GOT2: variants seen among roughly 807,000 people sequenced by gnomAD.
GOT2 encodes the protein aspartate aminotransferase, mitochondrial.
A neutral mutation model predicts 50.0 loss-of-function variants in GOT2; 17 were observed. The observed-to-expected ratio is 0.34, with a 90% CI of 0.23 to 0.51. GOT2 has a LOEUF of 0.51. Ranked by LOEUF, GOT2 falls within the 20% of genes least tolerant of loss-of-function variation. The pLI, the probability that GOT2 is intolerant of heterozygous loss-of-function variation, is 0.97. For missense variants in GOT2, 430 were observed against 559.6 expected (o/e 0.77, Z 2.34); for synonymous variants, 172 against 204.9 (o/e 0.84, Z 1.37).
At chr16:58,717,486 T>G (rs2044703428) in intron 6 of GOT2, among the ~76,000 whole-genome samples, 4 of 152,142 alleles carry the variant, frequency 2.6e-5, no homozygotes, top group African/African-American at 9.7e-5. Flanking sequence ...CTAGGAATTT[T>G]GACTAGTGTC....
chr16:58,707,991 T>G lies in GOT2; in HGVS notation c.*180A>C, dbSNP rs556624711. The G allele has an allele frequency of 1.9e-6, 1 of 528,194 alleles. No homozygotes were observed. Among genetic ancestry groups the G allele is most frequent in the Non-Finnish European group, 3.2e-6 (1 of 314,158 alleles). 32.7% of individuals were successfully genotyped at this position (528,194 alleles called of 1,614,324 possible). A position where few individuals can be genotyped will look rare whatever the true frequency, so the allele number is the denominator to read the frequency against. On this transcript the variant is annotated 3_prime_UTR_variant, in exon 10 of 10. Transcript: ENST00000245206. ...ATTCCAGACGCCAGCCATGGATGCC[T>G]CTGCCCTGTGTCACTACATGTTCTT...
In GOT2 at chr16:58,708,310, A is replaced by C; in HGVS notation, c.1171-17T>G. On this transcript the variant is annotated splice_polypyrimidine_tract_variant and intron_variant, in intron 9 of 9. Coordinates refer to ENST00000245206, the MANE Select transcript of GOT2 (RefSeq NM_002080.4). ...CCGCTCCACCTGCAGAGAGGAAAGA[A>C]CTTGGGTACCTCTTCCCGGTACAGG... 1 of 1,612,650 alleles carries C rather than the reference A, an allele frequency of 6.2e-7. No homozygotes were observed. The highest frequency in any genetic ancestry group is 8.5e-7 in the Non-Finnish European group (1 of 1,179,274).
At position 58,734,149 on chromosome 16, in the gene GOT2, G is replaced by T. The variant is rs764456344; in HGVS notation, c.80C>A (p.Ala27Asp). Reference sequence around the variant, plus strand: ...GTTTCCCTTGGCTTACCTGGCTCTGGCAGAGGCCGCGGCGGCGAGGCCCGG... The same window carrying T: ...GTTTCCCTTGGCTTACCTGGCTCTGTCAGAGGCCGCGGCGGCGAGGCCCGG... ...FHPGLAAAAS[A>D]RASSWWTHVE... The change falls in exon 1 of 10, where the codon GCC (alanine) becomes GAC (aspartate). Residue 27 changes from alanine (A) to aspartate (D), a missense_variant. Transcript: ENST00000245206. The T allele has an allele frequency of 7.5e-6, 10 of 1,333,000 alleles. No homozygotes were observed. The highest frequency in any genetic ancestry group is 8.7e-6 in the Non-Finnish European group (9 of 1,037,144). The allele number at this position is 1,333,000 out of a possible 1,614,324, so 82.6% of individuals were successfully genotyped here.
Position 58,734,182 on chromosome 16 carries a change from G to C in GOT2, c.47C>G (p.Ala16Gly), listed in dbSNP as rs375771750. 422 of 1,336,540 alleles carry C rather than the reference G, an allele frequency of 3.2e-4. 1 individual carries two copies. The African/African-American group carries it at 5.7e-3, about 18-fold the overall frequency. 82.8% of individuals were successfully genotyped at this position (1,336,540 alleles called of 1,614,324 possible). Residue 16 changes from alanine (A) to glycine (G), a missense_variant, in exon 1 of 10, where the codon GCC (alanine) becomes GGC (glycine). Transcript: ENST00000245206. ...CGCGGCGGCGAGGCCCGGGTGGAAG[G>C]CGGCGGCGATCCCGGGGAGGACGCG... ...SGRVLPGIAA[A>G]FHPGLAAAAS...
At chr16:58,725,482 A>G (rs145166783) in intron 1 of GOT2, among the ~76,000 whole-genome samples, 8 of 152,328 alleles carry the variant, frequency 5.3e-5, no homozygotes, top group African/African-American at 1.9e-4. Context: ...TGAATTGATT[A>G]ACAGATTATT....
rs775344608 is a variant in GOT2 at position 58,722,226 on chromosome 16, C to G, written c.299G>C (p.Gly100Ala). 6.2e-7 allele frequency: 1 copy of G among 1,613,082 alleles called. No individual in the cohort carries two copies. Among genetic ancestry groups the G allele is most frequent in the Non-Finnish European group, 8.5e-7 (1 of 1,179,938 alleles). Reference sequence around the variant, plus strand: ...TGCCTTGCAAAATTCAGCCAGTCCCCCAATGGGCAGGTATTCCTTGTCCAA... The same window carrying G: ...TGCCTTGCAAAATTCAGCCAGTCCCGCAATGGGCAGGTATTCCTTGTCCAA... ...KNLDKEYLPI[G>A]GLAEFCKASA... The change falls in exon 3 of 10, where the codon GGG (glycine) becomes GCG (alanine). Residue 100 changes from glycine to alanine, a missense_variant. Physicochemically the swap from Gly to Ala is moderately conservative, Grantham distance 60. Transcript: ENST00000245206.
chr16:58,726,777 T>C (rs2044788774), intron 1 of GOT2, among the ~76,000 whole-genome samples: 1 of 148,802 alleles, frequency 6.7e-6, no homozygotes, highest in African/African-American at 2.5e-5. Context: ...CGTGAGCCAC[T>C]GCACCCGGCT....
Position 58,708,292 on chromosome 16 carries a change from A to G in GOT2, c.1172T>C (p.Val391Ala), listed in dbSNP as rs749582194. The G allele has an allele frequency of 7.4e-6, 12 of 1,613,710 alleles. No individual in the cohort carries two copies. Among genetic ancestry groups the G allele is most frequent in the Non-Finnish European group, 8.5e-6 (10 of 1,179,804 alleles). The change falls in exon 10 of 10, where the codon GTG becomes GCG. Residue 391 changes from valine (V) to alanine (A), a missense_variant and splice_region_variant. Coordinates refer to ENST00000245206, the MANE Select transcript of GOT2 (RefSeq NM_002080.4). ...FCFTGLKPEQ[V>A]ERLIKEFSIY... ...GGAGAACTCCTTGATCAGCCGCTCC[A>G]CCTGCAGAGAGGAAAGAACTTGGGT...
At chr16:58,730,446 G>A (rs903833772) in intron 1 of GOT2, among the ~76,000 whole-genome samples, 3 of 151,724 alleles carry the variant, frequency 2.0e-5, no homozygotes, top group African/African-American at 4.8e-5. Flanking sequence ...ATGCAGTGGC[G>A]TGACCACGGC....
rs564219906 is a variant in GOT2 at position 58,707,808 on chromosome 16, G to A, written c.*363C>T. On this transcript the variant is annotated 3_prime_UTR_variant, in exon 10 of 10. Coordinates refer to ENST00000245206, the MANE Select transcript of GOT2 (RefSeq NM_002080.4). The stretch of plus-strand genomic sequence containing the variant: ...TAGGCCTTCTCTCAAAGCCTCTAAC[G>A]TGTGCTGTTTCTCACGAGGAACCTG... 8 of 167,120 alleles carry A rather than the reference G, an allele frequency of 4.8e-5. No homozygotes were observed. The highest frequency in any genetic ancestry group is 1.5e-4 in the South Asian group (1 of 6,576). 10.4% of individuals were successfully genotyped at this position (167,120 alleles called of 1,614,324 possible). A position where few individuals can be genotyped will look rare whatever the true frequency, so the allele number is the denominator to read the frequency against.
rs2044721475 is a variant in GOT2 at position 58,719,290 on chromosome 16, A to G, written c.376-35T>C. Reference sequence around the variant, plus strand: ...AGATACCCACGGTCAGTGATGTGCAACACTCTCTATACAGGCCCAGACCCA... The same window carrying G: ...AGATACCCACGGTCAGTGATGTGCAGCACTCTCTATACAGGCCCAGACCCA... On this transcript the variant is annotated intron_variant, in intron 3 of 9. Coordinates refer to ENST00000245206, the MANE Select transcript of GOT2 (RefSeq NM_002080.4). 3 of 1,503,822 alleles carry G rather than the reference A, an allele frequency of 2.0e-6. No homozygotes were observed. The East Asian group carries it at 6.8e-5, about 34-fold the overall frequency. 93.2% of individuals were successfully genotyped at this position (1,503,822 alleles called of 1,614,324 possible). A position where few individuals can be genotyped will look rare whatever the true frequency, so the allele number is the denominator to read the frequency against.
At chr16:58,709,765 T>C (rs967151240) in intron 8 of GOT2, among the ~76,000 whole-genome samples, 198 bp from the exon 9 acceptor site, 1 of 152,198 alleles carries the variant, frequency 6.6e-6, no homozygotes, top group Non-Finnish European at 1.5e-5. Context: ...ACTATTTCCA[T>C]AAGGCAACTG....
rs30834 is a variant in GOT2, at chr16:58,715,394, T to A, written c.1019+620A>T. Among the ~76,000 whole-genome samples the A allele has an allele frequency of 1.7e-3, 254 of 152,146 alleles. 1 individual carries two copies. Among genetic ancestry groups the A allele is most frequent in the African/African-American group, 5.8e-3 (242 of 41,534 alleles). On this transcript the variant is annotated intron_variant, in intron 8 of 9. Coordinates refer to ENST00000245206, the MANE Select transcript of GOT2 (RefSeq NM_002080.4). ...TATGACTGCCTCTTACAGAGAAATA[T>A]CAATTAACTTGGTTCAAAGTGCTAA... is the stretch of plus-strand genomic sequence containing the variant.
intron 9 of GOT2, 59 bp downstream of exon 9, chr16:58,709,358 C>A (rs1257979749): frequency 2.3e-6 from 3 of 1,309,978 alleles, no homozygotes; most frequent in African/African-American, 1.5e-5. Flanking sequence ...AAAAAGTAAT[C>A]CTTCGGGTTT....
At chr16:58,717,588 C>T (rs919966678) in intron 6 of GOT2, among the ~76,000 whole-genome samples, 1 of 152,210 alleles carries the variant, frequency 6.6e-6, no homozygotes, top group Non-Finnish European at 1.5e-5. Context: ...CAATAAGCAA[C>T]CACTGACCAG....
intron 1 of GOT2, among the ~76,000 whole-genome samples, chr16:58,733,683 G>A (rs1317881559): frequency 3.3e-5 from 5 of 152,076 alleles, no homozygotes; most frequent in Non-Finnish European, 5.9e-5. Flanking sequence ...TCCCGCCCAG[G>A]GCACACACGC....
chr16:58,716,559 GACACACACACACACAC>G (rs3075037), intron 7 of GOT2, 88 bp downstream of exon 7: 5 of 724,286 alleles, frequency 6.9e-6, no homozygotes, highest in East Asian at 2.7e-5. Flanking sequence ...GACATGGATG[GACACACACACACACAC>G]ACACACACAC....
At chr16:58,732,298 T>C (rs115203907) in intron 1 of GOT2, among the ~76,000 whole-genome samples, 2,774 of 152,084 alleles carry the variant, frequency 0.018, 72 homozygotes, top group African/African-American at 0.063. Flanking sequence ...AGTGAGACCC[T>C]GTATTTAAAG....
intron 8 of GOT2, among the ~76,000 whole-genome samples, chr16:58,711,545 A>G (rs946412414): frequency 6.6e-6 from 1 of 152,240 alleles, no homozygotes; most frequent in African/African-American, 2.4e-5. Flanking sequence ...CAAACTGCCA[A>G]TTAAAGACCA....
Sources: gnomAD v4.1 joint callset for allele counts (sites outside exome capture counted in the v4.1 genomes callset) on GRCh38, gnomAD v4.1.1 for gene constraint, MANE v1.5 for transcripts, NCBI Gene and HGNC (gene_info 2026-07-23, HGNC 2026-07-21) for gene names.